GCNT2: variants seen among roughly 807,000 people sequenced by gnomAD.
The protein encoded by GCNT2 is glucosaminyl (N-acetyl) transferase 2 (I blood group).
GCNT2 carries 34 observed loss-of-function variants against 34.2 expected under a neutral mutation model. The ratio of observed to expected loss-of-function variants is 1.00; its 90% CI spans 0.76 to 1.32. The LOEUF is 1.32. Among genes scored for constraint, GCNT2 ranks in the 40% most tolerant of loss-of-function variants. The pLI is 0.00. For synonymous variants in GCNT2, 212 were observed against 188.0 expected, an observed-to-expected ratio of 1.13 and a Z score of -1.04; for missense variants, 584 against 489.4, an observed-to-expected ratio of 1.19 and a Z score of -1.82.
In GCNT2 at chr6:10,628,126, G is replaced by A. The variant is rs557906482; in HGVS notation, c.*1519G>A. Reference sequence around the variant, plus strand: ...TGAGGTGGATTTACTGAGAGAAGGTGAAATAAAGCCATATTTAGTATACCA... The same window carrying A: ...TGAGGTGGATTTACTGAGAGAAGGTAAAATAAAGCCATATTTAGTATACCA... On this transcript the variant is annotated 3_prime_UTR_variant, in exon 5 of 5. Coordinates refer to ENST00000495262, the MANE Select transcript of GCNT2 (RefSeq NM_145649.5). 5.4e-4 allele frequency: 83 copies of A among 152,690 alleles called. No homozygotes were observed. The highest frequency in any genetic ancestry group is 1.9e-3 in the African/African-American group (80 of 41,566). The allele number at this position is 152,690 out of a possible 1,614,324, so 9.5% of individuals were successfully genotyped here.
intron 3 of GCNT2, among the ~76,000 whole-genome samples, chr6:10,595,105 G>C (rs768042287): frequency 6.6e-6 from 1 of 152,038 alleles, no homozygotes; most frequent in East Asian, 1.9e-4. Context: ...TGTTATTGAT[G>C]TACTTTTTAT....
chr6:10,568,182 G>A (rs1368785951), intron 3 of GCNT2, among the ~76,000 whole-genome samples: 1 of 151,998 alleles, frequency 6.6e-6, no homozygotes, highest in East Asian at 1.9e-4. Flanking sequence ...TCACTTCCCT[G>A]TAGTGAGCTC....
intron 3 of GCNT2, among the ~76,000 whole-genome samples, chr6:10,540,537 C>T (rs894968756): frequency 1.3e-4 from 9 of 69,688 alleles, no homozygotes; most frequent in South Asian, 4.0e-4. Flanking sequence ...CCTCTATGCC[C>T]GGGCCCTGCC....
intron 3 of GCNT2, among the ~76,000 whole-genome samples, chr6:10,611,542 G>C (rs928288938): frequency 2.6e-5 from 4 of 152,024 alleles, no homozygotes; most frequent in African/African-American, 9.6e-5. Context: ...TGTTGGCCAG[G>C]ATGGTCTCGA....
intron 3 of GCNT2, among the ~76,000 whole-genome samples, chr6:10,542,262 T>G (rs879264147): frequency 4.6e-5 from 7 of 152,228 alleles, no homozygotes; most frequent in Non-Finnish European, 1.0e-4. Context: ...TCTAGAAGGC[T>G]TGCCAATCAT....
intron 3 of GCNT2, among the ~76,000 whole-genome samples, chr6:10,549,609 T>G (rs1762406219): frequency 7.2e-6 from 1 of 138,834 alleles, no homozygotes; most frequent in African/African-American, 2.8e-5. Context: ...TCTCGCTCTG[T>G]CACCCAGGTT....
chr6:10,592,177 A>G (rs545262537), intron 3 of GCNT2, among the ~76,000 whole-genome samples: 51 of 152,348 alleles, frequency 3.3e-4, no homozygotes, highest in Middle Eastern at 3.4e-3. Flanking sequence ...TGTCTTGTCA[A>G]TATGGAGATA....
intron 3 of GCNT2, among the ~76,000 whole-genome samples, chr6:10,531,263 TTTTTGAA>T (rs1470756186): frequency 6.6e-6 from 1 of 152,198 alleles, no homozygotes; most frequent in African/African-American, 2.4e-5. Context: ...TTCCAAATGA[TTTTTGAA>T]TAATCTCAAG....
In GCNT2 at chr6:10,583,543, G is replaced by A. The variant is rs115898076; in HGVS notation, c.926-37808G>A. 7.0e-3 allele frequency among the ~76,000 whole-genome samples: 1,065 copies of A among 152,284 alleles called. 18 individuals carry two copies. The highest frequency in any genetic ancestry group is 0.022 in the African/African-American group (931 of 41,550). Reference sequence around the variant, plus strand: ...TGCACTTCACATTGGCTGCGAGATCGCTTGCAGCACTGCAAGCAGGTGAAC... The same window carrying A: ...TGCACTTCACATTGGCTGCGAGATCACTTGCAGCACTGCAAGCAGGTGAAC... On this transcript the variant is annotated intron_variant, in intron 3 of 4. Coordinates refer to ENST00000495262, the MANE Select transcript of GCNT2 (RefSeq NM_145649.5).
At chr6:10,529,927 A>C in intron 3 of GCNT2, 91 bp downstream of exon 3, 1 of 1,048,522 alleles carries the variant, frequency 9.5e-7, no homozygotes, top group Non-Finnish European at 1.4e-6. Flanking sequence ...AAAAAATGGG[A>C]CAAACTTCTT....
chr6:10,617,869 C>T (rs1167776444), intron 3 of GCNT2, among the ~76,000 whole-genome samples: 2 of 150,894 alleles, frequency 1.3e-5, no homozygotes, highest in Non-Finnish European at 2.9e-5. Context: ...ATTCTTCTGC[C>T]TCAGCCTACT....
At chr6:10,616,580 T>C (rs1202612917) in intron 3 of GCNT2, among the ~76,000 whole-genome samples, 1 of 152,172 alleles carries the variant, frequency 6.6e-6, no homozygotes, top group Non-Finnish European at 1.5e-5. Context: ...TTACAAACCC[T>C]GAGCTAGATA....
chr6:10,569,680 T>C (rs1203751259), intron 3 of GCNT2, among the ~76,000 whole-genome samples: 1 of 152,174 alleles, frequency 6.6e-6, no homozygotes, highest in East Asian at 1.9e-4. Context: ...ACCACCATCA[T>C]AGTGGACCAT....
chr6:10,611,827 CTT>C (rs1357949126), intron 3 of GCNT2, among the ~76,000 whole-genome samples: 1 of 152,060 alleles, frequency 6.6e-6, no homozygotes, highest in Non-Finnish European at 1.5e-5. Context: ...TATCAATAAA[CTT>C]TTGTAAAAAA....
At chr6:10,582,535 T>TAA (rs1491307883) in intron 3 of GCNT2, among the ~76,000 whole-genome samples, 6,682 of 116,282 alleles carry the variant, frequency 0.057, 329 homozygotes, top group Non-Finnish European at 0.09. Context: ...ACATCATATA[T>TAA]TATATATCAT....
rs1335435144 is a variant in GCNT2 at position 10,609,921 on chromosome 6, G to A, written c.926-11430G>A. Among the ~76,000 whole-genome samples, 7 of 152,200 alleles carry A rather than the reference G, an allele frequency of 4.6e-5. No individual in the cohort carries two copies. In the South Asian group the frequency reaches 1.5e-3, roughly 32 times the overall value. On this transcript the variant is annotated intron_variant, in intron 3 of 4. Transcript: ENST00000495262. Reference sequence around the variant, plus strand: ...TTTGTTGGAGGGTGAGTGGTGGTGGGGCATCTCAAGCTGGCTTGAAAAATC... The same window carrying A: ...TTTGTTGGAGGGTGAGTGGTGGTGGAGCATCTCAAGCTGGCTTGAAAAATC...
At chr6:10,622,021 C>T (rs1488153751) in intron 4 of GCNT2, among the ~76,000 whole-genome samples, 1 of 152,168 alleles carries the variant, frequency 6.6e-6, no homozygotes, top group African/African-American at 2.4e-5. Context: ...ACCCTCAGGC[C>T]AGTCCCTGCT....
At chr6:10,601,945 AAAAAAAAAAAAAAAAC>A (rs1321836949) in intron 3 of GCNT2, among the ~76,000 whole-genome samples, 1,152 of 16,138 alleles carry the variant, frequency 0.071, 21 homozygotes, top group African/African-American at 0.27. Flanking sequence ...CATCTCAAGA[AAAAAAAAAAAAAAAAC>A]AAAAAAAACA....
chr6:10,581,869 A>G, intron 3 of GCNT2: 1 of 985,034 alleles, frequency 1.0e-6, no homozygotes, highest in Non-Finnish European at 1.2e-6. Flanking sequence ...GTAAGAATGA[A>G]GAGACATGAA....
Sources: gnomAD v4.1 joint callset for allele counts (sites outside exome capture counted in the v4.1 genomes callset) on GRCh38, gnomAD v4.1.1 for gene constraint, MANE v1.5 for transcripts, NCBI Gene and HGNC (gene_info 2026-07-23, HGNC 2026-07-21) for gene names.